The following SIPA1L2 variants were observed in gnomAD, a reference collection of about 807,000 sequenced individuals.
The protein encoded by SIPA1L2 is signal induced proliferation associated 1 like 2, also known as signal-induced proliferation-associated 1-like protein 2.
In SIPA1L2, 56 loss-of-function variants were observed where a neutral mutation model predicts 163.9. The ratio of observed to expected loss-of-function variants is 0.34; its 90% confidence interval spans 0.28 to 0.43. The LOEUF (loss-of-function observed/expected upper bound fraction) is 0.43. SIPA1L2 is among the 20% of genes least tolerant of loss of function. The pLI, the probability that SIPA1L2 is intolerant of heterozygous loss-of-function variation, is 1.00. For synonymous variants in SIPA1L2, 877 were observed against 865.7 expected (o/e 1.01, Z -0.23); for missense variants, 1,974 against 2,193.5 (o/e 0.90, Z 2.00).
At chr1:232,539,320 C>T (rs760708372) in intron 2 of SIPA1L2, among the ~76,000 whole-genome samples, 7 of 152,196 alleles carry the variant, frequency 4.6e-5, no homozygotes, top group Non-Finnish European at 1.0e-4. Context: ...CTACTTACAA[C>T]TGCAAAAAGT....
At chr1:232,573,078 G>GC (rs932180473) in intron 2 of SIPA1L2, among the ~76,000 whole-genome samples, 1 of 151,868 alleles carries the variant, frequency 6.6e-6, no homozygotes, top group African/African-American at 2.4e-5. Flanking sequence ...ACTGTGCCCG[G>GC]CCCCCCAAAT....
At chr1:232,475,989 CTAAG>C (rs1283130602) in intron 7 of SIPA1L2, among the ~76,000 whole-genome samples, 1 of 152,102 alleles carries the variant, frequency 6.6e-6, no homozygotes, top group Non-Finnish European at 1.5e-5. Flanking sequence ...TCATGGAAAG[CTAAG>C]TAAGCATTTT....
intron 1 of SIPA1L2, among the ~76,000 whole-genome samples, chr1:232,615,105 A>T (rs894286732): frequency 1.3e-5 from 2 of 152,222 alleles, no homozygotes; most frequent in Non-Finnish European, 2.9e-5. Context: ...AATTACTGCT[A>T]CACATCCTTG....
chr1:232,432,281 G>A lies in SIPA1L2; in HGVS notation c.4222C>T (p.Pro1408Ser), dbSNP rs1662287456. 6.2e-7 allele frequency: 1 copy of A among 1,614,146 alleles called. No homozygotes were observed. Among genetic ancestry groups the A allele is most frequent in the Non-Finnish European group, 8.5e-7 (1 of 1,180,034 alleles). The change falls in exon 16 of 23, where the codon CCG becomes TCG. Residue 1408 changes from proline to serine, a missense_variant. Physicochemically the swap from Pro to Ser is moderately conservative, Grantham distance 74. Around this residue, in one of 3 missense-constraint regions of SIPA1L2, gnomAD observed 1,079 missense variants for 1,150.7 expected, o/e 0.94. Coordinates refer to ENST00000674635, the MANE Select transcript of SIPA1L2 (RefSeq NM_020808.5). The stretch of plus-strand genomic sequence containing the variant: ...TCAGTCACTTCAGGCTCCTCGGGCG[G>A]TGGGCTGCCCTCCGATTTCTTCCAG... ...IGWKKSEGSPPPEEPEVTECP... is the reference protein window; with the variant it reads ...IGWKKSEGSPSPEEPEVTECP...
intron 8 of SIPA1L2, among the ~76,000 whole-genome samples, chr1:232,468,775 T>C (rs919369455): frequency 6.6e-6 from 1 of 152,198 alleles, no homozygotes; most frequent in Non-Finnish European, 1.5e-5. Context: ...TCTCATTCCG[T>C]TACTGAGCAT....
At position 232,439,403 on chromosome 1, in the gene SIPA1L2, C is replaced by T. The variant is rs769317578; in HGVS notation, c.3736G>A (p.Asp1246Asn). Reference protein sequence around the residue: ...NSDDKHFGSGDLMDPELLGLT... With the variant: ...NSDDKHFGSGNLMDPELLGLT... Reference sequence around the variant, plus strand: ...CCCAGTAATTCGGGGTCCATCAGGTCGCCAGACCCAAAGTGCTTGTCGTCA... The same window carrying T: ...CCCAGTAATTCGGGGTCCATCAGGTTGCCAGACCCAAAGTGCTTGTCGTCA... Residue 1246 changes from aspartate (D) to asparagine (N), a missense_variant, in exon 15 of 23, where the codon GAC becomes AAC. Coordinates refer to ENST00000674635, the MANE Select transcript of SIPA1L2 (RefSeq NM_020808.5). 22 of 1,614,066 alleles carry T rather than the reference C, an allele frequency of 1.4e-5. No homozygotes were observed. In the South Asian group the frequency reaches 1.4e-4, roughly 10 times the overall value.
At chr1:232,629,034 C>T (rs2102902254) in intron 1 of SIPA1L2, among the ~76,000 whole-genome samples, 1 of 152,192 alleles carries the variant, frequency 6.6e-6, no homozygotes, top group Middle Eastern at 3.4e-3. Flanking sequence ...AGCACAATTC[C>T]GTAACCAATG....
At chr1:232,547,604 G>C (rs908762025) in intron 2 of SIPA1L2, among the ~76,000 whole-genome samples, 1 of 150,876 alleles carries the variant, frequency 6.6e-6, no homozygotes, top group Admixed American at 6.6e-5. Flanking sequence ...GGGCAGGGTG[G>C]GGCAGATAAG....
intron 1 of SIPA1L2, among the ~76,000 whole-genome samples, chr1:232,595,414 G>A (rs1354104071): frequency 6.6e-6 from 1 of 152,168 alleles, no homozygotes; most frequent in Admixed American, 6.5e-5. Flanking sequence ...AGCAAAGGGC[G>A]GCCAGAGGTC....
At chr1:232,468,569 T>A (rs1291856933) in intron 8 of SIPA1L2, among the ~76,000 whole-genome samples, 3 of 152,206 alleles carry the variant, frequency 2.0e-5, no homozygotes, top group African/African-American at 7.2e-5. Flanking sequence ...AAATAATGCA[T>A]GTAAAGCTTT....
At chr1:232,492,307 G>T (rs1302163845) in intron 4 of SIPA1L2, among the ~76,000 whole-genome samples, 1 of 152,130 alleles carries the variant, frequency 6.6e-6, no homozygotes, top group African/African-American at 2.4e-5. Flanking sequence ...TGAGCTAAAA[G>T]GATAAAACCT....
intron 15 of SIPA1L2, among the ~76,000 whole-genome samples, chr1:232,438,019 A>G (rs1435346115): frequency 6.6e-6 from 1 of 152,132 alleles, no homozygotes; most frequent in Non-Finnish European, 1.5e-5. Flanking sequence ...ATAAGCCCCA[A>G]TATGACCCTG....
intron 1 of SIPA1L2, among the ~76,000 whole-genome samples, chr1:232,624,011 T>C (rs565894043): frequency 1.3e-5 from 2 of 152,284 alleles, no homozygotes; most frequent in South Asian, 2.1e-4. Context: ...AATATTAATC[T>C]TCTTAAAATG....
intron 8 of SIPA1L2, among the ~76,000 whole-genome samples, chr1:232,468,101 G>C (rs1420604104): frequency 1.3e-5 from 2 of 152,184 alleles, no homozygotes; most frequent in African/African-American, 4.8e-5. Flanking sequence ...GAATCAATTA[G>C]AGACCCTTGG....
chr1:232,484,099 A>T, intron 5 of SIPA1L2, 133 bp from the exon 6 acceptor site: 1 of 780,948 alleles, frequency 1.3e-6, no homozygotes, highest in Admixed American at 3.3e-5. Context: ...GTGAATAAGC[A>T]AAAGAGTAGG....
chr1:232,551,862 G>A (rs1416912645), intron 2 of SIPA1L2, among the ~76,000 whole-genome samples: 3 of 152,214 alleles, frequency 2.0e-5, no homozygotes, highest in Non-Finnish European at 4.4e-5. Flanking sequence ...CCCATGAGAA[G>A]AAGTCTCGCT....
At position 232,415,578 on chromosome 1, in the gene SIPA1L2, C is replaced by T. The variant is rs768457830; in HGVS notation, c.4678G>A (p.Ala1560Thr). 32 of 1,613,786 alleles carry T rather than the reference C, an allele frequency of 2.0e-5. No homozygotes were observed. The highest frequency in any genetic ancestry group is 1.6e-4 in the Middle Eastern group (1 of 6,084). The change falls in exon 19 of 23, where the codon GCA (alanine) becomes ACA (threonine). Residue 1560 changes from alanine (A) to threonine (T), a missense_variant. By Grantham distance (58) the Ala-to-Thr change is moderately conservative. Around this residue, in one of 3 missense-constraint regions of SIPA1L2, gnomAD observed 1,079 missense variants for 1,150.7 expected, o/e 0.94. Transcript: ENST00000674635. ...GGGAGGGGCATCAGGCCAGGATCTG[C>T]GCACTTGGACTTATCTGATAAGGAC... Reference protein sequence around the residue: ...DGSLSDKSKCADPGLMPLPDT... With the variant: ...DGSLSDKSKCTDPGLMPLPDT...
intron 1 of SIPA1L2, among the ~76,000 whole-genome samples, chr1:232,629,521 C>G (rs1573200278): frequency 6.6e-6 from 1 of 152,210 alleles, no homozygotes; most frequent in African/African-American, 2.4e-5. Context: ...GCGAGCCCTT[C>G]CAGAGAGCGT....
At chr1:232,553,545 A>G (rs1312050271) in intron 2 of SIPA1L2, among the ~76,000 whole-genome samples, 1 of 152,104 alleles carries the variant, frequency 6.6e-6, no homozygotes, top group Non-Finnish European at 1.5e-5. Flanking sequence ...CCATATCACT[A>G]TGTGACACGT....
Sources: allele counts gnomAD v4.1 joint callset (sites outside exome capture counted in the v4.1 genomes callset), GRCh38; gene constraint gnomAD v4.1.1; regional missense constraint gnomAD v4.1.1; transcripts MANE v1.5; gene names NCBI Gene and HGNC (gene_info 2026-07-23, HGNC 2026-07-21).